MME: variants seen among roughly 807,000 people sequenced by gnomAD.
MME encodes the protein membrane metalloendopeptidase.
In MME, 98 loss-of-function variants were observed where a neutral mutation model predicts 113.2. That is an observed-to-expected ratio of 0.87 (90% CI 0.74 to 1.02). The LOEUF (loss-of-function observed/expected upper bound fraction) is 1.02, where lower values mean the gene tolerates loss of function less well. Among genes scored for constraint, MME ranks in the 50% least tolerant of loss-of-function variants. The pLI is 0.00. For missense variants in MME, 836 were observed against 896.0 expected, an observed-to-expected ratio of 0.93 and a Z score of 0.86; for synonymous variants, 292 against 300.6, an observed-to-expected ratio of 0.97 and a Z score of 0.30.
intron 1 of MME, among the ~76,000 whole-genome samples, chr3:155,062,058 C>T (rs1459653115): frequency 6.6e-6 from 1 of 152,134 alleles, no homozygotes; most frequent in Non-Finnish European, 1.5e-5. Context: ...AACCCTTTAA[C>T]ATTTTTATTT....
chr3:155,039,108 T>A (rs1233186671), intron 1 of MME, among the ~76,000 whole-genome samples: 1 of 151,660 alleles, frequency 6.6e-6, no homozygotes, highest in East Asian at 1.9e-4. Flanking sequence ...CAGAGACAAA[T>A]GAGGAAGGGG....
In MME at chr3:155,140,259, C is replaced by A. The variant is rs150252105; in HGVS notation, c.924C>A (p.Ile308=). The change falls in exon 10 of 23, where the codon ATC becomes ATA. Residue 308 remains isoleucine (I), a synonymous_variant. Coordinates refer to ENST00000360490, the MANE Select transcript of MME (RefSeq NM_007289.4). ...ATAACAAGATGACATTGGCCCAGAT[C>A]CAAAATAACTTTTCACTAGAGATCA... ...LLYNKMTLAQ[I]QNNFSLEING... 19 of 1,612,614 alleles carry A rather than the reference C, an allele frequency of 1.2e-5. No individual in the cohort carries two copies. The African/African-American group carries it at 2.5e-4, about 22-fold the overall frequency.
chr3:155,038,895 A>G (rs1713216954), intron 1 of MME, among the ~76,000 whole-genome samples: 1 of 152,152 alleles, frequency 6.6e-6, no homozygotes. Context: ...GGGCATTATC[A>G]AGTAAAATAC....
chr3:155,041,158 A>G (rs547959538), intron 1 of MME, among the ~76,000 whole-genome samples: 2 of 152,180 alleles, frequency 1.3e-5, no homozygotes, highest in Non-Finnish European at 2.9e-5. Flanking sequence ...TCATATCCCT[A>G]CTGAACCCCT....
chr3:155,067,299 C>CTT (rs1714412324), intron 1 of MME, among the ~76,000 whole-genome samples: 3 of 123,680 alleles, frequency 2.4e-5, no homozygotes, highest in Non-Finnish European at 5.2e-5. Context: ...AATTTATTTT[C>CTT]CTTTTTTTTT....
chr3:155,025,054 A>G (rs1040524713), intron 1 of MME, among the ~76,000 whole-genome samples: 1 of 152,224 alleles, frequency 6.6e-6, no homozygotes, highest in African/African-American at 2.4e-5. Flanking sequence ...TCTCGCAGAA[A>G]GATCAGGCTT....
intron 1 of MME, among the ~76,000 whole-genome samples, chr3:155,053,797 C>T (rs953454692): frequency 6.6e-6 from 1 of 152,112 alleles, no homozygotes; most frequent in Non-Finnish European, 1.5e-5. Context: ...AGGGCAGAAC[C>T]ACAGATACAA....
intron 8 of MME, among the ~76,000 whole-genome samples, chr3:155,135,120 T>C (rs1226547260): frequency 6.6e-6 from 1 of 152,152 alleles, no homozygotes; most frequent in Non-Finnish European, 1.5e-5. Flanking sequence ...TCTTTTGCTG[T>C]GGCAGAAGCT....
At chr3:155,042,923 T>C (rs1165564110) in intron 1 of MME, among the ~76,000 whole-genome samples, 4 of 63,568 alleles carry the variant, frequency 6.3e-5, no homozygotes, top group East Asian at 5.3e-4. Flanking sequence ...TATATATATA[T>C]ATATATATAT....
chr3:155,069,424 C>T (rs1046160950), intron 1 of MME, among the ~76,000 whole-genome samples: 3 of 152,114 alleles, frequency 2.0e-5, no homozygotes, highest in Non-Finnish European at 4.4e-5. Flanking sequence ...AATTGATCAG[C>T]TCGTGGCAAC....
intron 1 of MME, among the ~76,000 whole-genome samples, chr3:155,074,572 C>T (rs1044305237): frequency 2.0e-5 from 3 of 151,986 alleles, no homozygotes; most frequent in Non-Finnish European, 4.4e-5. Context: ...GCTGGGATTA[C>T]AAGCACGTGC....
intron 1 of MME, among the ~76,000 whole-genome samples, chr3:155,033,079 T>C (rs1237392536): frequency 6.6e-6 from 1 of 152,152 alleles, no homozygotes; most frequent in Non-Finnish European, 1.5e-5. Flanking sequence ...AGTTAATCTA[T>C]AAAAAAGACC....
rs1316864690 is a variant in MME at position 155,183,181 on chromosome 3, A to G, written c.*2722A>G. The G allele has an allele frequency of 2.0e-5, 3 of 152,270 alleles. No homozygotes were observed. Among genetic ancestry groups the G allele is most frequent in the African/African-American group, 7.2e-5 (3 of 41,450 alleles). The allele number at this position is 152,270 out of a possible 1,614,324, so 9.4% of individuals were successfully genotyped here. ...GCAAGATGGAAAGGATTGTAGGTGCAAGCTGTCCAGAGAAAAGAGTCCTTG... is the reference window on the plus strand; with the variant it reads ...GCAAGATGGAAAGGATTGTAGGTGCGAGCTGTCCAGAGAAAAGAGTCCTTG... On this transcript the variant is annotated 3_prime_UTR_variant, in exon 23 of 23. Transcript: ENST00000360490.
At chr3:155,116,311 A>G (rs866204763) in intron 4 of MME, among the ~76,000 whole-genome samples, 168 bp from the exon 5 acceptor site, 2 of 152,182 alleles carry the variant, frequency 1.3e-5, no homozygotes, top group Non-Finnish European at 2.9e-5. Flanking sequence ...GGTTTTTCCT[A>G]TAATGTTTTG....
intron 9 of MME, among the ~76,000 whole-genome samples, chr3:155,139,258 G>T (rs376895985): frequency 6.6e-6 from 1 of 152,104 alleles, no homozygotes; most frequent in Non-Finnish European, 1.5e-5. Context: ...CATCAGCTCT[G>T]TAGTGTTGTG....
intron 1 of MME, among the ~76,000 whole-genome samples, chr3:155,029,726 A>C (rs73874448): frequency 6.6e-6 from 1 of 152,142 alleles, no homozygotes; most frequent in African/African-American, 2.4e-5. Context: ...TTTGGCAACA[A>C]TTTTAAAACT....
upstream of MME, among the ~76,000 whole-genome samples, chr3:155,077,007 T>C (rs1714769974): frequency 6.6e-6 from 1 of 152,164 alleles, no homozygotes; most frequent in South Asian, 2.1e-4. Context: ...TTCTGACCTA[T>C]ACCTTGTGCC....
chr3:155,049,781 A>C (rs1413035348), intron 1 of MME, among the ~76,000 whole-genome samples: 1 of 151,890 alleles, frequency 6.6e-6, no homozygotes, highest in African/African-American at 2.4e-5. Context: ...GAAGAAAGAA[A>C]ATTCTCATTA....
At chr3:155,177,935 A>C (rs576512926) in intron 22 of MME, among the ~76,000 whole-genome samples, 13 of 152,200 alleles carry the variant, frequency 8.5e-5, no homozygotes, top group Non-Finnish European at 1.8e-4. Flanking sequence ...CTCCAGCTGG[A>C]GTCAGTGGTT....
Sources: allele counts gnomAD v4.1 joint callset (sites outside exome capture counted in the v4.1 genomes callset), GRCh38; gene constraint gnomAD v4.1.1; transcripts MANE v1.5; gene names NCBI Gene and HGNC (gene_info 2026-07-23, HGNC 2026-07-21).